The following NRG2 variants were observed in gnomAD, a reference collection of about 807,000 sequenced individuals.
NRG2 encodes the protein neuregulin 2, also known as pro-neuregulin-2, membrane-bound isoform.
In NRG2, 27 loss-of-function variants were observed where a neutral mutation model predicts 73.9. The ratio of observed to expected loss-of-function variants is 0.37; its 90% CI spans 0.27 to 0.50. The LOEUF (loss-of-function observed/expected upper bound fraction) is 0.50, where lower values mean the gene tolerates loss of function less well. Among genes scored for constraint, NRG2 ranks in the 20% least tolerant of loss-of-function variants. The pLI, the probability that NRG2 is intolerant of heterozygous loss-of-function variation, is 0.96. For synonymous variants in NRG2, 532 were observed against 541.0 expected, an observed-to-expected ratio of 0.98 and a Z score of 0.23; for missense variants, 1,126 against 1,210.1, an observed-to-expected ratio of 0.93 and a Z score of 1.03.
At chr5:139,993,513 C>G (rs935943377) in intron 1 of NRG2, among the ~76,000 whole-genome samples, 2 of 152,158 alleles carry the variant, frequency 1.3e-5, no homozygotes, top group African/African-American at 4.8e-5. Flanking sequence ...TTTCCTTCCT[C>G]AAAAGACCTT....
chr5:139,890,308 G>C lies in NRG2; in HGVS notation c.701-2797C>G, dbSNP rs143807473. Among the ~76,000 whole-genome samples the C allele has an allele frequency of 3.6e-4, 55 of 152,214 alleles. No individual in the cohort carries two copies. The East Asian group carries it at 0.01, about 28-fold the overall frequency. ...AATTGCCTGTTCATGCATGCAGTCT[G>C]TTTTCCTATCGAGTGCTCATCCTAG... On this transcript the variant is annotated intron_variant, in intron 1 of 9. Coordinates refer to ENST00000361474, the MANE Select transcript of NRG2 (RefSeq NM_004883.3).
intron 1 of NRG2, among the ~76,000 whole-genome samples, chr5:139,996,429 T>C (rs1306580192): frequency 6.6e-6 from 1 of 152,232 alleles, no homozygotes; most frequent in Non-Finnish European, 1.5e-5. Context: ...TGAACAATAC[T>C]ATAATGAACA....
rs781348607 is a variant in NRG2 at position 139,871,806 on chromosome 5, G to A, written c.1027C>T (p.Arg343Trp). Residue 343 changes from arginine (R) to tryptophan (W), a missense_variant, in exon 4 of 10, where the codon CGG (arginine) becomes TGG (tryptophan). Physicochemically the swap from Arg to Trp is moderately radical, Grantham distance 101 (BLOSUM62 -3). Around this residue, in one of 3 missense-constraint regions of NRG2, gnomAD observed 539 missense variants for 703.2 expected, o/e 0.77. Transcript: ENST00000361474. ...GACTTGGCTGTCTCGTTGCACTTCC[G>A]GGCGTGCCCCGACCAGGATGACAGG... ...TTLSSWSGHA[R>W]KCNETAKSYC... is the part of the protein sequence containing the mutation. 8 of 1,613,958 alleles carry A rather than the reference G, an allele frequency of 5.0e-6. No individual in the cohort carries two copies. The highest frequency in any genetic ancestry group is 5.9e-6 in the Non-Finnish European group (7 of 1,179,998).
intron 1 of NRG2, among the ~76,000 whole-genome samples, chr5:140,029,701 A>AAAAAAAAAAAAAAAAAAAAAAAAAAC (rs1760989570): frequency 6.6e-6 from 1 of 150,572 alleles, no homozygotes. Context: ...AAAAAAAAAA[A>AAAAAAAAAAAAAAAAAAAAAAAAAAC]AAGCTCCAGC....
chr5:139,959,433 A>G (rs1268572060), intron 1 of NRG2, among the ~76,000 whole-genome samples: 1 of 152,068 alleles, frequency 6.6e-6, no homozygotes, highest in African/African-American at 2.4e-5. Flanking sequence ...CTGGAGTGCA[A>G]TGGCGTGATC....
chr5:139,867,772 G>C (rs1229924999), intron 4 of NRG2, among the ~76,000 whole-genome samples: 3 of 126,398 alleles, frequency 2.4e-5, no homozygotes, highest in African/African-American at 8.9e-5. Context: ...CTGTGTGTGT[G>C]TGTGTGTGTG....
At chr5:139,899,885 T>A (rs1764767699) in intron 1 of NRG2, among the ~76,000 whole-genome samples, 2 of 152,196 alleles carry the variant, frequency 1.3e-5, no homozygotes, top group South Asian at 4.1e-4. Context: ...ACTTAAGATC[T>A]CATCCTGCCA....
intron 1 of NRG2, among the ~76,000 whole-genome samples, chr5:140,012,700 A>G (rs966381872): frequency 1.1e-4 from 17 of 152,198 alleles, no homozygotes; most frequent in Non-Finnish European, 4.4e-5. Flanking sequence ...TTCTATCTTA[A>G]CAGGATTTAA....
intron 1 of NRG2, among the ~76,000 whole-genome samples, chr5:139,923,778 G>C (rs974053168): frequency 3.3e-5 from 5 of 152,116 alleles, no homozygotes; most frequent in Non-Finnish European, 7.4e-5. Flanking sequence ...AAAATCCCAA[G>C]GGCTGATGGG....
At chr5:139,848,727 G>A (rs994188187) in intron 9 of NRG2, 30 bp from the exon 10 acceptor site, 55 of 1,222,958 alleles carry the variant, frequency 4.5e-5, no homozygotes, top group Non-Finnish European at 5.4e-5. Context: ...CATGGGCCAG[G>A]GCCAGGCCGG....
chr5:139,970,875 A>AT (rs1755914382), intron 1 of NRG2, among the ~76,000 whole-genome samples: 1 of 152,250 alleles, frequency 6.6e-6, no homozygotes, highest in Admixed American at 6.5e-5. Context: ...AGTTAGCACT[A>AT]TCCATGAAAC....
chr5:139,978,625 G>A (rs1366432826), intron 1 of NRG2, among the ~76,000 whole-genome samples: 1 of 152,134 alleles, frequency 6.6e-6, no homozygotes, highest in Non-Finnish European at 1.5e-5. Flanking sequence ...AAAACATGCT[G>A]CTATAACATG....
At chr5:139,997,707 T>C (rs1758126228) in intron 1 of NRG2, among the ~76,000 whole-genome samples, 1 of 152,242 alleles carries the variant, frequency 6.6e-6, no homozygotes, top group Non-Finnish European at 1.5e-5. Context: ...ACACCCTCAC[T>C]CAGCCCTCAA....
chr5:139,878,548 A>G (rs1479684504), intron 3 of NRG2, among the ~76,000 whole-genome samples: 1 of 152,192 alleles, frequency 6.6e-6, no homozygotes, highest in East Asian at 1.9e-4. Context: ...GAGCCATCCT[A>G]TGAGTTCTTG....
intron 1 of NRG2, among the ~76,000 whole-genome samples, chr5:139,907,159 A>T (rs1322393258): frequency 1.3e-5 from 2 of 152,010 alleles, no homozygotes; most frequent in East Asian, 3.9e-4. Flanking sequence ...GACTGATGGT[A>T]TAAATGTTGT....
chr5:139,990,769 G>A (rs1412770049), intron 1 of NRG2, among the ~76,000 whole-genome samples: 2 of 152,272 alleles, frequency 1.3e-5, no homozygotes, highest in East Asian at 3.9e-4. Context: ...ATCTCTCCAT[G>A]TTTTTATTGA....
At chr5:139,872,409 C>T (rs944482094) in intron 3 of NRG2, among the ~76,000 whole-genome samples, 10 of 152,138 alleles carry the variant, frequency 6.6e-5, no homozygotes, top group African/African-American at 2.4e-4. Flanking sequence ...GGAACCCTAG[C>T]TTCTGCTCTC....
intron 1 of NRG2, among the ~76,000 whole-genome samples, chr5:139,908,235 G>A (rs997792704): frequency 9.8e-5 from 15 of 152,372 alleles, no homozygotes; most frequent in Non-Finnish European, 1.6e-4. Context: ...GGAAGTTGAG[G>A]ATGGTTTTTT....
At chr5:140,010,462 T>C (rs541361513) in intron 1 of NRG2, among the ~76,000 whole-genome samples, 2 of 152,316 alleles carry the variant, frequency 1.3e-5, no homozygotes, top group South Asian at 4.1e-4. Context: ...ACAGTAATTG[T>C]AACTTATCAA....
Sources: allele counts gnomAD v4.1 joint callset (sites outside exome capture counted in the v4.1 genomes callset), GRCh38; gene constraint gnomAD v4.1.1; regional missense constraint gnomAD v4.1.1; transcripts MANE v1.5; gene names NCBI Gene and HGNC (gene_info 2026-07-23, HGNC 2026-07-21).